PDE4B: variants seen among roughly 807,000 people sequenced by gnomAD.
PDE4B encodes the protein 3',5'-cyclic-AMP phosphodiesterase 4B.
In PDE4B, 20 loss-of-function variants were observed where a neutral mutation model predicts 82.2. The observed-to-expected ratio is 0.24, with a 90% CI of 0.17 to 0.35. The LOEUF is 0.35. Among genes scored for constraint, PDE4B ranks in the 10% least tolerant of loss-of-function variants. The pLI, the probability that PDE4B is intolerant of heterozygous loss-of-function variation, is 1.00. For missense variants in PDE4B, 655 were observed against 907.2 expected, an observed-to-expected ratio of 0.72 and a Z score of 3.57; for synonymous variants, 320 against 318.9, an observed-to-expected ratio of 1.00 and a Z score of -0.04.
intron 3 of PDE4B, among the ~76,000 whole-genome samples, chr1:66,147,764 G>T (rs752175102): frequency 1.3e-5 from 2 of 152,134 alleles, no homozygotes; most frequent in Non-Finnish European, 2.9e-5. Context: ...AAATCACTCA[G>T]GAAGAGAAAC....
intron 3 of PDE4B, among the ~76,000 whole-genome samples, chr1:66,011,645 C>T (rs1216956853): frequency 6.6e-6 from 1 of 152,030 alleles, no homozygotes; most frequent in Non-Finnish European, 1.5e-5. Flanking sequence ...TTGGCAAGTA[C>T]ATGTTTTAAA....
At position 65,837,157 on chromosome 1, in the gene PDE4B, C is replaced by A. The variant is rs188289557; in HGVS notation, c.-71+43909C>A. Among the ~76,000 whole-genome samples the A allele has an allele frequency of 3.3e-4, 50 of 151,564 alleles. 1 individual carries two copies. The East Asian group carries it at 9.3e-3, about 28-fold the overall frequency. ...ATCCTAGACACATGTATATAAACAA[C>A]AATTTACATTTTTCTATATATACTG... On this transcript the variant is annotated intron_variant, in intron 1 of 16. Coordinates refer to ENST00000341517, the MANE Select transcript of PDE4B (RefSeq NM_002600.4).
chr1:65,900,670 C>T (rs1646962041), intron 1 of PDE4B, among the ~76,000 whole-genome samples: 1 of 152,052 alleles, frequency 6.6e-6, no homozygotes, highest in Non-Finnish European at 1.5e-5. Context: ...AGATATTTCA[C>T]CTCCTTGGTT....
At chr1:65,934,680 GAAATATATATTCTATGT>G (rs1197935247) in intron 3 of PDE4B, among the ~76,000 whole-genome samples, 4 of 152,170 alleles carry the variant, frequency 2.6e-5, no homozygotes, top group Admixed American at 2.0e-4. Context: ...TGAAGGGATG[GAAATATATATTCTATGT>G]AAATGGTCAC....
At chr1:66,085,568 G>C (rs1206879034) in intron 3 of PDE4B, among the ~76,000 whole-genome samples, 1 of 152,126 alleles carries the variant, frequency 6.6e-6, no homozygotes, top group Non-Finnish European at 1.5e-5. Context: ...TTCATGGAAA[G>C]CAGCTCTCAG....
chr1:65,991,899 C>T (rs1037804483), intron 3 of PDE4B, among the ~76,000 whole-genome samples: 6 of 152,140 alleles, frequency 3.9e-5, no homozygotes, highest in Non-Finnish European at 8.8e-5. Flanking sequence ...TTCATTTTTC[C>T]TGGTTGTTAC....
chr1:65,824,933 T>C (rs1327969981), intron 1 of PDE4B, among the ~76,000 whole-genome samples: 1 of 152,158 alleles, frequency 6.6e-6, no homozygotes, highest in African/African-American at 2.4e-5. Flanking sequence ...ATAACAAAGT[T>C]ACATTAAACA....
At chr1:66,222,199 A>G (rs1461828608) in intron 3 of PDE4B, among the ~76,000 whole-genome samples, 1 of 152,204 alleles carries the variant, frequency 6.6e-6, no homozygotes, top group Admixed American at 6.5e-5. Flanking sequence ...AAGGCAAATG[A>G]GGGTTTTCTC....
At chr1:65,981,271 G>A (rs1650672252) in intron 3 of PDE4B, among the ~76,000 whole-genome samples, 1 of 152,116 alleles carries the variant, frequency 6.6e-6, no homozygotes, top group African/African-American at 2.4e-5. Context: ...TTGCAAATGA[G>A]TGAACATGCC....
intron 3 of PDE4B, among the ~76,000 whole-genome samples, chr1:66,180,604 A>G (rs1195274644): frequency 6.6e-6 from 1 of 152,254 alleles, no homozygotes; most frequent in Non-Finnish European, 1.5e-5. Context: ...AATTAATTCA[A>G]AAAGGCAAAA....
In PDE4B at chr1:66,355,627, T is replaced by A; in HGVS notation, c.841+7T>A. The A allele has an allele frequency of 6.4e-7, 1 of 1,554,356 alleles. No individual in the cohort carries two copies. Among genetic ancestry groups the A allele is most frequent in the Non-Finnish European group, 8.9e-7 (1 of 1,127,072 alleles). On this transcript the variant is annotated splice_region_variant and intron_variant, in intron 9 of 16. Coordinates refer to ENST00000341517, the MANE Select transcript of PDE4B (RefSeq NM_002600.4). Reference sequence around the variant, plus strand: ...ATTTCAAATACTTTCTTAGGTAAGATATTAACTGGGAAAAACCTGTTTTAT... The same window carrying A: ...ATTTCAAATACTTTCTTAGGTAAGAAATTAACTGGGAAAAACCTGTTTTAT...
intron 3 of PDE4B, among the ~76,000 whole-genome samples, chr1:66,056,237 C>T (rs1655284599): frequency 6.6e-6 from 1 of 152,020 alleles, no homozygotes; most frequent in Non-Finnish European, 1.5e-5. Context: ...AATTTATTTT[C>T]TTTCAGACCT....
chr1:65,869,825 G>A (rs1423056235), intron 1 of PDE4B, among the ~76,000 whole-genome samples: 1 of 141,252 alleles, frequency 7.1e-6, no homozygotes, highest in Non-Finnish European at 1.5e-5. Context: ...TGGCACTTTT[G>A]TATCTTTTAG....
At chr1:65,819,294 A>G (rs17128009) in intron 1 of PDE4B, among the ~76,000 whole-genome samples, 1 of 152,150 alleles carries the variant, frequency 6.6e-6, no homozygotes, top group Non-Finnish European at 1.5e-5. Context: ...CCACGATTAC[A>G]TATCCAATAC....
chr1:66,119,003 A>G (rs115135624), intron 3 of PDE4B, among the ~76,000 whole-genome samples: 1 of 152,226 alleles, frequency 6.6e-6, no homozygotes, highest in African/African-American at 2.4e-5. Flanking sequence ...CTCTATGTAT[A>G]CTGTTCTTCA....
chr1:66,163,803 AT>A (rs1646666302), intron 3 of PDE4B, among the ~76,000 whole-genome samples: 1 of 152,100 alleles, frequency 6.6e-6, no homozygotes, highest in Non-Finnish European at 1.5e-5. Context: ...CACACTTCAG[AT>A]TTTCAGCACC....
At chr1:65,973,560 G>A (rs1650257768) in intron 3 of PDE4B, among the ~76,000 whole-genome samples, 1 of 152,098 alleles carries the variant, frequency 6.6e-6, no homozygotes, top group Non-Finnish European at 1.5e-5. Context: ...CTAGGAATTG[G>A]TAGTTATTAT....
chr1:66,104,159 A>G (rs540146778), intron 3 of PDE4B, among the ~76,000 whole-genome samples: 10 of 145,182 alleles, frequency 6.9e-5, no homozygotes, highest in East Asian at 4.0e-4. Context: ...TCGTTGTTCA[A>G]TTCCCACCTA....
intron 3 of PDE4B, among the ~76,000 whole-genome samples, chr1:66,126,919 G>A (rs1055153342): frequency 7.9e-5 from 12 of 152,124 alleles, no homozygotes; most frequent in Admixed American, 3.3e-4. Context: ...TACTTCAAGC[G>A]TGCATCACTT....
Sources: allele counts gnomAD v4.1 joint callset (sites outside exome capture counted in the v4.1 genomes callset), GRCh38; gene constraint gnomAD v4.1.1; transcripts MANE v1.5; gene names NCBI Gene and HGNC (gene_info 2026-07-23, HGNC 2026-07-21).